Variants in KCNC2 observed in about 807,000 individuals in gnomAD.
The protein encoded by KCNC2 is voltage-gated potassium channel KCNC2.
KCNC2 carries 21 observed loss-of-function variants against 44.5 expected under a neutral mutation model. The observed-to-expected ratio is 0.47, with a 90% CI of 0.33 to 0.68. KCNC2 has a LOEUF of 0.68. Among genes scored for constraint, KCNC2 ranks in the 30% least tolerant of loss-of-function variants. KCNC2 has a pLI of 0.01. For synonymous variants in KCNC2, 391 were observed against 339.1 expected (o/e 1.15, Z -1.68); for missense variants, 589 against 826.2 (o/e 0.71, Z 3.52).
intron 2 of KCNC2, among the ~76,000 whole-genome samples, chr12:75,171,960 A>G (rs1891853840): frequency 6.6e-6 from 1 of 151,734 alleles, no homozygotes; most frequent in South Asian, 2.1e-4. Flanking sequence ...TCTTCTATTA[A>G]GGATGTTATC....
intron 2 of KCNC2, among the ~76,000 whole-genome samples, chr12:75,055,850 A>G (rs1881688536): frequency 6.6e-6 from 1 of 152,038 alleles, no homozygotes; most frequent in South Asian, 2.1e-4. Context: ...AGGTATGTAT[A>G]ATAGGCAGAG....
chr12:75,136,435 G>A (rs1391381432), intron 2 of KCNC2, among the ~76,000 whole-genome samples: 1 of 151,630 alleles, frequency 6.6e-6, no homozygotes, highest in African/African-American at 2.4e-5. Flanking sequence ...ACCACTAGCT[G>A]GACTAACCAA....
chr12:75,123,639 G>T (rs1888196502), intron 2 of KCNC2, among the ~76,000 whole-genome samples: 1 of 152,114 alleles, frequency 6.6e-6, no homozygotes, highest in East Asian at 1.9e-4. Flanking sequence ...TAAACCAATA[G>T]AGTACAACCC....
intron 2 of KCNC2, among the ~76,000 whole-genome samples, chr12:75,163,996 G>C (rs1421463205): frequency 6.6e-6 from 1 of 151,536 alleles, no homozygotes; most frequent in Non-Finnish European, 1.5e-5. Context: ...AACTTGCAGG[G>C]AACAATATGA....
intron 1 of KCNC2, among the ~76,000 whole-genome samples, chr12:75,208,653 TC>T: frequency 7.7e-6 from 1 of 129,898 alleles, no homozygotes; most frequent in Non-Finnish European, 1.6e-5. Flanking sequence ...TCCCTAGCGC[TC>T]AGGGAGTGCC....
At chr12:75,051,694 C>T (rs1451148357) in intron 2 of KCNC2, among the ~76,000 whole-genome samples, 1 of 152,028 alleles carries the variant, frequency 6.6e-6, no homozygotes, top group Admixed American at 6.6e-5. Flanking sequence ...TCCTAGAAAT[C>T]TTTATGCATA....
At chr12:75,069,151 T>TTTTTTTTTTTTA (rs869250638) in intron 2 of KCNC2, among the ~76,000 whole-genome samples, 10 of 142,670 alleles carry the variant, frequency 7.0e-5, no homozygotes, top group East Asian at 4.1e-4. Context: ...TTTTTTTTTT[T>TTTTTTTTTTTTA]GAGACGGAAT....
chr12:75,183,013 A>G (rs961772371), intron 2 of KCNC2, among the ~76,000 whole-genome samples: 1 of 152,214 alleles, frequency 6.6e-6, no homozygotes, highest in Non-Finnish European at 1.5e-5. Context: ...AGATGAATAC[A>G]TGGCCATCCG....
At chr12:75,066,957 T>C (rs1592792335) in intron 2 of KCNC2, among the ~76,000 whole-genome samples, 1 of 152,160 alleles carries the variant, frequency 6.6e-6, no homozygotes, top group East Asian at 1.9e-4. Flanking sequence ...AGTCCCAGCA[T>C]TTTGGGAGGC....
intron 2 of KCNC2, among the ~76,000 whole-genome samples, chr12:75,101,278 C>G (rs1267988012): frequency 2.6e-5 from 4 of 151,914 alleles, no homozygotes; most frequent in African/African-American, 9.7e-5. Context: ...CATTAAACTT[C>G]TTTTCACACT....
At chr12:75,060,951 G>A (rs368952001) in intron 2 of KCNC2, among the ~76,000 whole-genome samples, 1 of 152,054 alleles carries the variant, frequency 6.6e-6, no homozygotes, top group African/African-American at 2.4e-5. Flanking sequence ...CTACTAAGTA[G>A]TTAAACTTCA....
At chr12:75,083,709 G>A (rs565258060) in intron 2 of KCNC2, among the ~76,000 whole-genome samples, 17 of 151,870 alleles carry the variant, frequency 1.1e-4, no homozygotes, top group Admixed American at 9.2e-4. Flanking sequence ...AAATAAATCA[G>A]GAAATTGGCA....
At chr12:75,061,606 CACACACAA>C (rs1487495978) in intron 2 of KCNC2, among the ~76,000 whole-genome samples, 1 of 96,696 alleles carries the variant, frequency 1.0e-5, no homozygotes. Context: ...CACACACACA[CACACACAA>C]AACACAGAAA....
chr12:75,207,939 C>A lies in KCNC2; in HGVS notation c.45G>T (p.Gly15=). ...TGCGGTAGGTTTCGTGCCGGGTGCCCCCGACATTGAGGATCACCCTCTCGT... is the reference window on the plus strand; with the variant it reads ...TGCGGTAGGTTTCGTGCCGGGTGCCACCGACATTGAGGATCACCCTCTCGT... ...ENNERVILNV[G]GTRHETYRST... Residue 15 remains glycine (G), a synonymous_variant, in exon 2 of 5, where the codon GGG becomes GGT. Coordinates refer to ENST00000549446, the MANE Select transcript of KCNC2 (RefSeq NM_139137.4). This position sits in a 1 kb window ranked among gnomAD's most constrained non-coding sequence, Gnocchi z 4.1. The A allele has an allele frequency of 6.2e-7, 1 of 1,612,744 alleles. No individual in the cohort carries two copies. Among genetic ancestry groups the A allele is most frequent in the Non-Finnish European group, 8.5e-7 (1 of 1,179,910 alleles).
chr12:75,100,834 C>T (rs773631404), intron 2 of KCNC2, among the ~76,000 whole-genome samples: 24 of 152,038 alleles, frequency 1.6e-4, no homozygotes, highest in Non-Finnish European at 2.8e-4. Flanking sequence ...ATATAATAAA[C>T]TAATTTCTAT....
chr12:75,199,715 A>G (rs1355088742), intron 2 of KCNC2, among the ~76,000 whole-genome samples: 2 of 151,896 alleles, frequency 1.3e-5, no homozygotes, highest in African/African-American at 4.8e-5. Flanking sequence ...AAAACCCACC[A>G]TGACCTGGTT....
chr12:75,117,481 C>T (rs927342323), intron 2 of KCNC2, among the ~76,000 whole-genome samples: 1 of 152,232 alleles, frequency 6.6e-6, no homozygotes, highest in African/African-American at 2.4e-5. Context: ...CAATAAATGG[C>T]TTTATAGTCA....
At chr12:75,190,176 T>A (rs570728308) in intron 2 of KCNC2, among the ~76,000 whole-genome samples, 1 of 152,300 alleles carries the variant, frequency 6.6e-6, no homozygotes, top group East Asian at 1.9e-4. Context: ...GTTATACAAC[T>A]ACTATGTTGT....
chr12:75,106,467 G>A (rs1166866960), intron 2 of KCNC2, among the ~76,000 whole-genome samples: 3 of 152,164 alleles, frequency 2.0e-5, no homozygotes, highest in Non-Finnish European at 2.9e-5. Flanking sequence ...ATAACTGCTG[G>A]GGAGGTGTCA....
Sources: gnomAD v4.1 joint callset for allele counts (sites outside exome capture counted in the v4.1 genomes callset) on GRCh38, gnomAD v4.1.1 for gene constraint, Gnocchi (gnomAD v3.1) non-coding constraint, MANE v1.5 for transcripts, NCBI Gene and HGNC (gene_info 2026-07-23, HGNC 2026-07-21) for gene names.